The following VAMP7 variants were observed in gnomAD, a reference collection of about 807,000 sequenced individuals.
The protein encoded by VAMP7 is vesicle associated membrane protein 7, also known as vesicle-associated membrane protein 7.
A neutral mutation model predicts 29.6 loss-of-function variants in VAMP7; 14 were observed. The ratio of observed to expected loss-of-function variants is 0.47; its 90% confidence interval spans 0.31 to 0.74. The LOEUF is 0.74. VAMP7 is among the 30% of genes least tolerant of loss of function. The pLI is 0.05. For synonymous variants in VAMP7, 95 were observed against 88.1 expected (o/e 1.08, Z -0.44); for missense variants, 223 against 262.4 (o/e 0.85, Z 1.04).
At chrX:155,906,007 T>G (rs1441740737) in intron 5 of VAMP7, among the ~76,000 whole-genome samples, 1 of 150,908 alleles carries the variant, frequency 6.6e-6, no homozygotes, top group Admixed American at 6.7e-5. Context: ...ATTAAACTTC[T>G]GATCCATGAA....
rs1173020965 is a variant in VAMP7 at position 155,883,127 on chromosome X, C to T, written c.-10+1679C>T. Among the ~76,000 whole-genome samples, 4 of 152,160 alleles carry T rather than the reference C, an allele frequency of 2.6e-5. No individual in the cohort carries two copies. The East Asian group carries it at 7.7e-4, about 29-fold the overall frequency. ...TTCCTTAACTTTATACCTCTAGTGT[C>T]TACTTTGACTGTCATATAGTAACCC... On this transcript the variant is annotated intron_variant, in intron 1 of 7. Transcript: ENST00000286448.
At chrX:155,912,379 A>G (rs1373102082) in intron 5 of VAMP7, among the ~76,000 whole-genome samples, 5 of 152,018 alleles carry the variant, frequency 3.3e-5, no homozygotes, top group Non-Finnish European at 7.4e-5. Flanking sequence ...TTATTATTAT[A>G]CTTTAAATTC....
intron 6 of VAMP7, among the ~76,000 whole-genome samples, chrX:155,934,186 G>A (rs2066610712): frequency 6.6e-6 from 1 of 152,130 alleles, no homozygotes; most frequent in Non-Finnish European, 1.5e-5. Context: ...GTTGATTTGG[G>A]GTGGAGAGTT....
chrX:155,889,142 T>A (rs998663090), intron 1 of VAMP7, among the ~76,000 whole-genome samples: 4 of 152,192 alleles, frequency 2.6e-5, no homozygotes, highest in African/African-American at 9.7e-5. Context: ...CTATCTATAG[T>A]CATTGCTTTT....
chrX:155,933,244 T>C (rs2066591804), intron 6 of VAMP7, among the ~76,000 whole-genome samples: 1 of 152,208 alleles, frequency 6.6e-6, no homozygotes, highest in African/African-American at 2.4e-5. Context: ...GATTCCCTCA[T>C]TTTCTATTGA....
intron 1 of VAMP7, 129 bp from the exon 2 acceptor site, chrX:155,889,329 T>A (rs1196972920): frequency 5.3e-6 from 7 of 1,319,540 alleles, no homozygotes; most frequent in Non-Finnish European, 7.2e-6. Flanking sequence ...AAGTCTGTTG[T>A]TAAGTTTCAT....
chrX:155,934,661 C>A (rs908498030), intron 6 of VAMP7, among the ~76,000 whole-genome samples: 6 of 152,170 alleles, frequency 3.9e-5, no homozygotes, highest in African/African-American at 1.4e-4. Context: ...TCTAATTTGC[C>A]AGTCTGTGTC....
chrX:155,932,879 C>T (rs1190902688), intron 6 of VAMP7, among the ~76,000 whole-genome samples: 3 of 152,126 alleles, frequency 2.0e-5, no homozygotes, highest in Non-Finnish European at 4.4e-5. Flanking sequence ...TACGTCCCAT[C>T]AATACCTAAT....
intron 5 of VAMP7, among the ~76,000 whole-genome samples, chrX:155,901,009 G>T (rs1278335785): frequency 3.9e-5 from 6 of 151,928 alleles, no homozygotes; most frequent in African/African-American, 1.4e-4. Flanking sequence ...AATCAATATT[G>T]TGCTTCCTTC....
intron 1 of VAMP7, among the ~76,000 whole-genome samples, chrX:155,889,040 G>A (rs2065897364): frequency 6.6e-6 from 1 of 152,090 alleles, no homozygotes; most frequent in Admixed American, 6.5e-5. Context: ...TGTGAATCTA[G>A]AGTCTTAACT....
At chrX:155,894,200 T>A (rs2065957842) in intron 2 of VAMP7, among the ~76,000 whole-genome samples, 1 of 152,096 alleles carries the variant, frequency 6.6e-6, no homozygotes, top group South Asian at 2.1e-4. Context: ...CATTCTACTT[T>A]AGTTTATTTC....
At chrX:155,896,118 G>A (rs1395855525) in intron 3 of VAMP7, among the ~76,000 whole-genome samples, 1 of 152,108 alleles carries the variant, frequency 6.6e-6, no homozygotes, top group Non-Finnish European at 1.5e-5. Flanking sequence ...AACGTGATGC[G>A]AACTTTACAT....
At chrX:155,936,918 A>G (rs1001638915) in intron 6 of VAMP7, among the ~76,000 whole-genome samples, 1 of 152,202 alleles carries the variant, frequency 6.6e-6, no homozygotes, top group Non-Finnish European at 1.5e-5. Context: ...GGATGTAATA[A>G]TGTGCACACT....
Position 155,900,602 on chromosome X carries a change from A to G in VAMP7, c.433+15A>G, listed in dbSNP as rs772770906. The G allele has an allele frequency of 6.3e-7, 1 of 1,592,298 alleles. No homozygotes were observed. The highest frequency in any genetic ancestry group is 8.6e-7 in the Non-Finnish European group (1 of 1,167,938). ...CAGAAACATAGGTATGTTTCATGGC[A>G]TAGTTTCATGCATGTGGGCAAAAAT... On this transcript the variant is annotated intron_variant, in intron 5 of 7. Transcript: ENST00000286448.
chrX:155,927,726 C>G (rs1180295211), intron 6 of VAMP7, among the ~76,000 whole-genome samples: 2 of 144,102 alleles, frequency 1.4e-5, no homozygotes, highest in Admixed American at 1.4e-4. Context: ...TTAAAGAATA[C>G]TTTCTTTGCA....
At chrX:155,905,616 G>GA (rs1161697271) in intron 5 of VAMP7, among the ~76,000 whole-genome samples, 2 of 152,102 alleles carry the variant, frequency 1.3e-5, no homozygotes, top group African/African-American at 2.4e-5. Flanking sequence ...TAATTCTGTT[G>GA]AATATGTATA....
intron 6 of VAMP7, among the ~76,000 whole-genome samples, chrX:155,920,292 C>A (rs1372960138): frequency 6.6e-6 from 1 of 152,176 alleles, no homozygotes; most frequent in Non-Finnish European, 1.5e-5. Context: ...CTGATAGTTT[C>A]ATCTTGCCTT....
chrX:155,919,986 T>TA, intron 6 of VAMP7, 106 bp downstream of exon 6: 4 of 958,274 alleles, frequency 4.2e-6, no homozygotes, highest in Non-Finnish European at 6.4e-6. Context: ...TTGGTGGTTT[T>TA]TTTTTCTTTC....
At chrX:155,898,712 TAA>T (rs1031178090) in intron 4 of VAMP7, among the ~76,000 whole-genome samples, 21 of 152,194 alleles carry the variant, frequency 1.4e-4, no homozygotes, top group African/African-American at 5.1e-4. Context: ...CCACTGTACT[TAA>T]GACAGCATTT....
Sources: allele counts gnomAD v4.1 joint callset (sites outside exome capture counted in the v4.1 genomes callset), GRCh38; gene constraint gnomAD v4.1.1; transcripts MANE v1.5; gene names NCBI Gene and HGNC (gene_info 2026-07-23, HGNC 2026-07-21).